The following DGAT1 variants were observed in gnomAD, a reference collection of about 807,000 sequenced individuals.
DGAT1 encodes ACAT related gene product 1.
A neutral mutation model predicts 72.6 loss-of-function variants in DGAT1; 60 were observed. The ratio of observed to expected loss-of-function variants is 0.83; its 90% CI spans 0.67 to 1.02. The LOEUF is 1.02. Among genes scored for constraint, DGAT1 ranks in the 50% least tolerant of loss-of-function variants. The probability of loss-of-function intolerance (pLI) is 0.00; values close to 1 mark genes in which losing one functional copy is unlikely to be tolerated. For synonymous variants in DGAT1, 290 were observed against 267.5 expected, an observed-to-expected ratio of 1.08 and a Z score of -0.82; for missense variants, 592 against 670.0, an observed-to-expected ratio of 0.88 and a Z score of 1.29.
At chr8:144,326,355 G>T in intron 1 of DGAT1, 82 bp downstream of exon 1, 3 of 1,260,868 alleles carry the variant, frequency 2.4e-6, no homozygotes, top group South Asian at 1.9e-5. Context: ...CATGTTCTCG[G>T]ACTCGGAGCT....
At chr8:144,320,933 C>T (rs1817434479) in intron 2 of DGAT1, among the ~76,000 whole-genome samples, 1 of 152,164 alleles carries the variant, frequency 6.6e-6, no homozygotes, top group South Asian at 2.1e-4. Flanking sequence ...TCCCACCAGC[C>T]CAGGGCAAGA....
At chr8:144,326,347 T>G in intron 1 of DGAT1, 90 bp downstream of exon 1, 1 of 1,206,172 alleles carries the variant, frequency 8.3e-7, no homozygotes, top group Non-Finnish European at 1.1e-6. Flanking sequence ...CCAGGGCCCA[T>G]GTTCTCGGAC....
rs1371754531 is a variant in DGAT1, at chr8:144,317,123, G to A, written c.1161-14C>T. On this transcript the variant is annotated splice_polypyrimidine_tract_variant and intron_variant, in intron 14 of 16. Coordinates refer to ENST00000528718, the MANE Select transcript of DGAT1 (RefSeq NM_012079.6). ...TTGTAGAAGTGTCTGCAGAGGAGGG[G>A]GCATGGAAAGCGGTTCAGGTTCACA... is the stretch of plus-strand genomic sequence containing the variant. 4.3e-6 allele frequency: 7 copies of A among 1,612,614 alleles called. No individual in the cohort carries two copies. Among genetic ancestry groups the A allele is most frequent in the Admixed American group, 3.3e-5 (2 of 59,988 alleles).
chr8:144,317,735 A>G (rs1554847382), intron 10 of DGAT1, 23 bp from the exon 11 acceptor site: 1 of 1,613,664 alleles, frequency 6.2e-7, no homozygotes, highest in Admixed American at 1.7e-5. Context: ...GCACCACGTC[A>G]GCTCCCAGCC....
rs1171040317 is a variant in DGAT1, at chr8:144,314,925, C to T, written c.*1629G>A. 1 of 986,214 alleles carries T rather than the reference C, an allele frequency of 1.0e-6. No homozygotes were observed. The allele number at this position is 986,214 out of a possible 1,614,324, so 61.1% of individuals were successfully genotyped here. On this transcript the variant is annotated 3_prime_UTR_variant, in exon 17 of 17. Transcript: ENST00000528718. ...TGAGGGACCAGGGGTGGGCGCCTCA[C>T]CTTGGCCCTGGGGGTCTCTGGTTGT...
chr8:144,317,833 A>G lies in DGAT1; in HGVS notation c.856-11T>C. 2 of 1,609,686 alleles carry G rather than the reference A, an allele frequency of 1.2e-6. No homozygotes were observed. The highest frequency in any genetic ancestry group is 1.7e-6 in the Non-Finnish European group (2 of 1,178,078). ...CTGGGTGAAGAACAGCTGGGGGGGAAACAGAGAGCAGCCAGCTGAGGCCCT... is the reference window on the plus strand; with the variant it reads ...CTGGGTGAAGAACAGCTGGGGGGGAGACAGAGAGCAGCCAGCTGAGGCCCT... On this transcript the variant is annotated splice_polypyrimidine_tract_variant and intron_variant, in intron 9 of 16. Transcript: ENST00000528718.
Position 144,326,645 on chromosome 8 carries a change from C to T in DGAT1, c.-9G>A. The T allele has an allele frequency of 1.7e-6, 2 of 1,192,780 alleles. No homozygotes were observed. The highest frequency in any genetic ancestry group is 6.5e-5 in the South Asian group (2 of 30,802). 73.9% of individuals were successfully genotyped at this position (1,192,780 alleles called of 1,614,324 possible). A position where few individuals can be genotyped will look rare whatever the true frequency, so the allele number is the denominator to read the frequency against. On this transcript the variant is annotated 5_prime_UTR_variant, in exon 1 of 17. Transcript: ENST00000528718. ...CTGCCGCGGTCGCCCATGGCCTCAG[C>T]CCGCACCCGGCCGCAGCCAAGCGTG...
Position 144,316,604 on chromosome 8 carries a change from C to T in DGAT1, c.1417G>A (p.Val473Ile), listed in dbSNP as rs782605643. 16 of 1,606,802 alleles carry T rather than the reference C, an allele frequency of 1.0e-5. No individual in the cohort carries two copies. In the South Asian group the frequency reaches 1.2e-4, roughly 12 times the overall value. ...IGQPIAVLMY[V>I]HDYYVLNYEA... ...TAGTTGAGCACGTAGTAGTCGTGGA[C>T]GTACATGAGGACGGCTATTGGCTGT... is the stretch of plus-strand genomic sequence containing the variant. Residue 473 changes from valine to isoleucine, a missense_variant, in exon 17 of 17, where the codon GTC (valine) becomes ATC (isoleucine). Coordinates refer to ENST00000528718, the MANE Select transcript of DGAT1 (RefSeq NM_012079.6).
Position 144,317,922 on chromosome 8 carries a change from G to C in DGAT1, c.847C>G (p.Leu283Val). The C allele has an allele frequency of 6.6e-7, 1 of 1,522,998 alleles. No individual in the cohort carries two copies. The highest frequency in any genetic ancestry group is 8.8e-7 in the Non-Finnish European group (1 of 1,137,424). The allele number at this position is 1,522,998 out of a possible 1,614,324, so 94.3% of individuals were successfully genotyped here. ...IRKRFLLRRI[L>V]EMLFFTQLQV... ...CCAGCCCCCAACCTCACCATCTCAA[G>C]GATCCGTCGCAGCAGAAAGCGCTTC... Residue 283 changes from leucine to valine, a missense_variant, in exon 9 of 17, where the codon CTT becomes GTT. Physicochemically the swap from Leu to Val is conservative, Grantham distance 32. Transcript: ENST00000528718.
At chr8:144,325,435 T>C (rs1418634258) in intron 1 of DGAT1, among the ~76,000 whole-genome samples, 4 of 152,138 alleles carry the variant, frequency 2.6e-5, no homozygotes, top group African/African-American at 9.7e-5. Context: ...GAAAGCTCTG[T>C]TCTTGCTCAC....
At position 144,315,821 on chromosome 8, in the gene DGAT1, G is replaced by A. The variant is rs1055051908; in HGVS notation, c.*733C>T. 4.7e-5 allele frequency: 46 copies of A among 982,674 alleles called. No individual in the cohort carries two copies. The highest frequency in any genetic ancestry group is 1.4e-4 in the South Asian group (3 of 21,236). The allele number at this position is 982,674 out of a possible 1,614,324, so 60.9% of individuals were successfully genotyped here. On this transcript the variant is annotated 3_prime_UTR_variant, in exon 17 of 17. Coordinates refer to ENST00000528718, the MANE Select transcript of DGAT1 (RefSeq NM_012079.6). ...AGTGAAGGAAAGAGGCTGCCAAACC[G>A]AGCCCTGCCCCAAGGCGAATAGCCA... is the stretch of plus-strand genomic sequence containing the variant.
chr8:144,321,076 G>A (rs1350121705), intron 2 of DGAT1, among the ~76,000 whole-genome samples: 15 of 152,196 alleles, frequency 9.9e-5, no homozygotes, highest in Non-Finnish European at 1.6e-4. Flanking sequence ...GGATCCAATG[G>A]GAAGCAGCAA....
At position 144,316,720 on chromosome 8, in the gene DGAT1, A is replaced by G; in HGVS notation, c.1312-11T>C. 1 of 1,610,184 alleles carries G rather than the reference A, an allele frequency of 6.2e-7. No homozygotes were observed. The highest frequency in any genetic ancestry group is 1.3e-5 in the African/African-American group (1 of 75,014). On this transcript the variant is annotated splice_polypyrimidine_tract_variant and intron_variant, in intron 16 of 16. Coordinates refer to ENST00000528718, the MANE Select transcript of DGAT1 (RefSeq NM_012079.6). ...CCAGGCCAGTGGGATCTAGGGAGTG[A>G]GGGGCCAAGTCAGTCGGCCATGGTG...
At position 144,317,129 on chromosome 8, in the gene DGAT1, G is replaced by T; in HGVS notation, c.1161-20C>A. Reference sequence around the variant, plus strand: ...AAGTGTCTGCAGAGGAGGGGGCATGGAAAGCGGTTCAGGTTCACAGCCATG... The same window carrying T: ...AAGTGTCTGCAGAGGAGGGGGCATGTAAAGCGGTTCAGGTTCACAGCCATG... On this transcript the variant is annotated intron_variant, in intron 14 of 16. Transcript: ENST00000528718. 1.9e-6 allele frequency: 3 copies of T among 1,612,740 alleles called. No homozygotes were observed. The highest frequency in any genetic ancestry group is 2.5e-6 in the Non-Finnish European group (3 of 1,179,578).
Position 144,318,742 on chromosome 8 carries a change from A to G in DGAT1, c.425T>C (p.Val142Ala), listed in dbSNP as rs1474773496. The change falls in exon 5 of 17, where the codon GTC becomes GCC. Residue 142 changes from valine to alanine, a missense_variant. Transcript: ENST00000528718. ...PAPCLVIAAN[V>A]FAVAAFQVEK... ...AACCTGGAATGCAGCCACAGCAAAG[A>G]CATTGGCCGCTGTGGACAGAAGCAC... 1.8e-5 allele frequency: 29 copies of G among 1,607,524 alleles called. No homozygotes were observed. Among genetic ancestry groups the G allele is most frequent in the Non-Finnish European group, 2.5e-5 (29 of 1,177,384 alleles).
rs1171779365 is a variant in DGAT1 at position 144,326,568 on chromosome 8, C to CCCG, written c.66_68dup (p.Gly23dup). On this transcript the variant is annotated inframe_insertion, in exon 1 of 17. Coordinates refer to ENST00000528718, the MANE Select transcript of DGAT1 (RefSeq NM_012079.6). Reference sequence around the variant, plus strand: ...GCACCTCCTCTTCCGCCGCCGCAGGCCCGCCGCCGCCGTGGCTCGAGGGCC... The same window carrying CCCG: ...GCACCTCCTCTTCCGCCGCCGCAGGCCCGCCGCCGCCGCCGTGGCTCGAGGGCC... 9.6e-6 allele frequency: 12 copies of CCCG among 1,250,704 alleles called. No individual in the cohort carries two copies. Among genetic ancestry groups the CCCG allele is most frequent in the Non-Finnish European group, 1.1e-5 (11 of 998,440 alleles). 77.5% of individuals were successfully genotyped at this position (1,250,704 alleles called of 1,614,324 possible).
Position 144,315,460 on chromosome 8 carries a change from G to C in DGAT1, c.*1094C>G, listed in dbSNP as rs549092753. ...CTGTGCAGGGCCTCCTCAAACACCT[G>C]CCTTGTTGGGCCATAGCTGCAGGTC... is the stretch of plus-strand genomic sequence containing the variant. On this transcript the variant is annotated 3_prime_UTR_variant, in exon 17 of 17. Transcript: ENST00000528718. 380 of 985,532 alleles carry C rather than the reference G, an allele frequency of 3.9e-4. 3 individuals carry two copies. The African/African-American group carries it at 6.3e-3, about 16-fold the overall frequency. 61.0% of individuals were successfully genotyped at this position (985,532 alleles called of 1,614,324 possible). A position where few individuals can be genotyped will look rare whatever the true frequency, so the allele number is the denominator to read the frequency against.
chr8:144,322,411 C>T (rs1036412384), intron 1 of DGAT1, among the ~76,000 whole-genome samples: 10 of 152,222 alleles, frequency 6.6e-5, no homozygotes, highest in African/African-American at 1.9e-4. Context: ...CTCCCGCACA[C>T]GCACATCTGC....
chr8:144,326,423 A>G lies in DGAT1; in HGVS notation c.200+14T>C. On this transcript the variant is annotated intron_variant, in intron 1 of 16. Coordinates refer to ENST00000528718, the MANE Select transcript of DGAT1 (RefSeq NM_012079.6). ...CCCTTGGGTCAGAGGTTAGGGGGTC[A>G]GGCGCTCCGCTACCTCAGCTCCCAG... is the stretch of plus-strand genomic sequence containing the variant. The G allele has an allele frequency of 7.2e-7, 1 of 1,386,754 alleles. No individual in the cohort carries two copies. The highest frequency in any genetic ancestry group is 9.4e-7 in the Non-Finnish European group (1 of 1,059,766). The allele number at this position is 1,386,754 out of a possible 1,614,324, so 85.9% of individuals were successfully genotyped here.
Sources: gnomAD v4.1 joint callset for allele counts (sites outside exome capture counted in the v4.1 genomes callset) on GRCh38, gnomAD v4.1.1 for gene constraint, MANE v1.5 for transcripts, NCBI Gene and HGNC (gene_info 2026-07-23, HGNC 2026-07-21) for gene names.